Variants in NEO1 observed in about 807,000 individuals in gnomAD.
NEO1 encodes neogenin.
Under a neutral mutation model 159.7 loss-of-function variants are expected in NEO1, and 63 were observed. The ratio of observed to expected loss-of-function variants is 0.39; its 90% CI spans 0.32 to 0.49. The LOEUF (loss-of-function observed/expected upper bound fraction) is 0.49. Among genes scored for constraint, NEO1 ranks in the 20% least tolerant of loss-of-function variants. The pLI, the probability that NEO1 is intolerant of heterozygous loss-of-function variation, is 0.85. For synonymous variants in NEO1, 633 were observed against 662.0 expected, an observed-to-expected ratio of 0.96 and a Z score of 0.67; for missense variants, 1,615 against 1,831.0, an observed-to-expected ratio of 0.88 and a Z score of 2.15.
chr15:73,281,877 C>T (rs1042597059), intron 22 of NEO1, among the ~76,000 whole-genome samples: 4 of 152,122 alleles, frequency 2.6e-5, no homozygotes, highest in African/African-American at 4.8e-5. Flanking sequence ...GACAGTAAGA[C>T]TTAGAGCTAA....
In NEO1 at chr15:73,283,103, C is replaced by G; in HGVS notation, c.3402C>G (p.His1134Gln). The change falls in exon 23 of 29, where the codon CAC (histidine) becomes CAG (glutamine). Residue 1134 changes from histidine (H) to glutamine (Q), a missense_variant. This residue lies in a region of NEO1 where 471 missense variants were observed against 498.9 expected (regional missense o/e 0.94). Transcript: ENST00000261908. ...TTTGTACCCGTCGTACCACCTCTCA[C>G]CAGAAAAAGTAAGAAGCCCCAGATG... is the stretch of plus-strand genomic sequence containing the variant. ...AVFCTRRTTSHQKKKRAACKS... is the reference protein window; with the variant it reads ...AVFCTRRTTSQQKKKRAACKS... 6.2e-7 allele frequency: 1 copy of G among 1,613,934 alleles called. No individual in the cohort carries two copies. The highest frequency in any genetic ancestry group is 8.5e-7 in the Non-Finnish European group (1 of 1,179,974).
intron 7 of NEO1, among the ~76,000 whole-genome samples, chr15:73,213,012 G>A (rs2037667306): frequency 1.1e-5 from 1 of 92,098 alleles, no homozygotes; most frequent in Non-Finnish European, 2.5e-5. Context: ...ATTAATAGCA[G>A]TGTTTTGGAG....
intron 22 of NEO1, among the ~76,000 whole-genome samples, chr15:73,281,561 AT>A (rs898734328): frequency 6.6e-6 from 1 of 151,794 alleles, no homozygotes; most frequent in Admixed American, 6.6e-5. Context: ...AAGCCAAGAG[AT>A]TTTTTTTTAA....
At chr15:73,249,863 C>T in intron 11 of NEO1, 142 bp downstream of exon 11, 1 of 936,552 alleles carries the variant, frequency 1.1e-6, no homozygotes, top group Non-Finnish European at 1.5e-6. Flanking sequence ...TTAGTCAAGT[C>T]TGAACATCTT....
chr15:73,214,284 C>T (rs1311646156), intron 7 of NEO1, among the ~76,000 whole-genome samples: 1 of 152,130 alleles, frequency 6.6e-6, no homozygotes, highest in African/African-American at 2.4e-5. Flanking sequence ...TAATTAAGTC[C>T]CAACTATTTA....
chr15:73,217,053 A>G (rs2037934731), intron 7 of NEO1, among the ~76,000 whole-genome samples: 1 of 152,098 alleles, frequency 6.6e-6, no homozygotes, highest in Non-Finnish European at 1.5e-5. Context: ...TAGGGTTTTT[A>G]TGGTTTCAGG....
At chr15:73,250,363 A>G (rs1466828567) in intron 11 of NEO1, among the ~76,000 whole-genome samples, 1 of 152,196 alleles carries the variant, frequency 6.6e-6, no homozygotes, top group African/African-American at 2.4e-5. Context: ...CATGAAACTC[A>G]GCTAAATCTT....
intron 26 of NEO1, among the ~76,000 whole-genome samples, chr15:73,295,379 T>C (rs2042323355): frequency 6.6e-6 from 1 of 151,754 alleles, no homozygotes; most frequent in South Asian, 2.1e-4. Context: ...CCAAGGAATC[T>C]CACATGCTAG....
intron 14 of NEO1, 120 bp downstream of exon 14, chr15:73,258,996 C>T (rs1044947515): frequency 3.9e-6 from 3 of 763,444 alleles, no homozygotes; most frequent in African/African-American, 3.5e-5. Context: ...TTTAGTGCAT[C>T]ACGCTGCTGT....
Position 73,236,474 on chromosome 15 carries a change from C to T in NEO1, c.1419C>T (p.Tyr473=), listed in dbSNP as rs747695128. 3 of 1,614,150 alleles carry T rather than the reference C, an allele frequency of 1.9e-6. No individual in the cohort carries two copies. The Admixed American group carries it at 5.0e-5, about 27-fold the overall frequency. ...ASDPHGDNLT[Y]SVFYTKEGIA... ...ATCCTCACGGAGACAACCTTACCTA[C>T]TCTGTGTTCTACACCAAGGAAGGGA... is the stretch of plus-strand genomic sequence containing the variant. Residue 473 remains tyrosine (Y), a synonymous_variant, in exon 8 of 29, where the codon TAC becomes TAT. Coordinates refer to ENST00000261908, the MANE Select transcript of NEO1 (RefSeq NM_002499.4).
intron 8 of NEO1, among the ~76,000 whole-genome samples, chr15:73,238,426 ATTAAG>A (rs929869101): frequency 9.2e-5 from 14 of 151,634 alleles, no homozygotes; most frequent in Admixed American, 1.3e-4. Flanking sequence ...GTAAATATTT[ATTAAG>A]TTAATACATT....
chr15:73,290,799 G>A (rs1306674626), intron 25 of NEO1, among the ~76,000 whole-genome samples: 3 of 152,050 alleles, frequency 2.0e-5, no homozygotes, highest in Admixed American at 6.5e-5. Context: ...CAAACGATGC[G>A]ATTTAATAGC....
At chr15:73,166,615 C>T (rs561546077) in intron 5 of NEO1, among the ~76,000 whole-genome samples, 119 of 152,182 alleles carry the variant, frequency 7.8e-4, no homozygotes, top group African/African-American at 2.6e-3. Context: ...CCTAAAAGGG[C>T]GGGAGATCTT....
chr15:73,179,779 C>G (rs560728716), intron 7 of NEO1, among the ~76,000 whole-genome samples: 1 of 151,938 alleles, frequency 6.6e-6, no homozygotes, highest in Non-Finnish European at 1.5e-5. Flanking sequence ...TTATAATTTC[C>G]TGTTTTGTTG....
intron 1 of NEO1, among the ~76,000 whole-genome samples, chr15:73,106,235 C>G (rs1044691124): frequency 6.6e-6 from 1 of 151,972 alleles, no homozygotes; most frequent in South Asian, 2.1e-4. Flanking sequence ...AGAAATAATA[C>G]AATTTTTTTA....
intron 7 of NEO1, among the ~76,000 whole-genome samples, chr15:73,183,330 C>A (rs367927525): frequency 1.3e-5 from 2 of 152,070 alleles, no homozygotes; most frequent in Non-Finnish European, 2.9e-5. Context: ...TGATTTCATA[C>A]GTTTCTGAAG....
At chr15:73,255,966 A>G (rs2040326957) in intron 13 of NEO1, 1 of 152,122 alleles carries the variant, frequency 6.6e-6, no homozygotes, top group South Asian at 2.1e-4. Context: ...GACTCGGGTA[A>G]TTTTTTTGCT....
intron 5 of NEO1, among the ~76,000 whole-genome samples, chr15:73,143,011 A>G (rs970092914): frequency 1.3e-5 from 2 of 152,230 alleles, no homozygotes; most frequent in Non-Finnish European, 2.9e-5. Context: ...GGCTTATGGC[A>G]TATAGTTTAA....
Position 73,301,474 on chromosome 15 carries a change from A to G in NEO1, c.4302+17A>G, listed in dbSNP as rs558928912. 2 of 1,614,156 alleles carry G rather than the reference A, an allele frequency of 1.2e-6. No homozygotes were observed. Among genetic ancestry groups the G allele is most frequent in the Admixed American group, 1.7e-5 (1 of 60,018 alleles). ...TCCGAGAGTGTAAGTTCGTGGGGCC[A>G]TCAGTCCAGCCAGATTGCCTGGGAA... On this transcript the variant is annotated intron_variant, in intron 28 of 28. Coordinates refer to ENST00000261908, the MANE Select transcript of NEO1 (RefSeq NM_002499.4).
Sources: allele counts gnomAD v4.1 joint callset (sites outside exome capture counted in the v4.1 genomes callset), GRCh38; gene constraint gnomAD v4.1.1; regional missense constraint gnomAD v4.1.1; transcripts MANE v1.5; gene names NCBI Gene and HGNC (gene_info 2026-07-23, HGNC 2026-07-21).